Variants in PPARGC1A observed in about 807,000 individuals in gnomAD.
PPARGC1A encodes PPARG coactivator 1 alpha.
PPARGC1A carries 25 observed loss-of-function variants against 88.7 expected under a neutral mutation model. The observed-to-expected ratio is 0.28, with a 90% CI of 0.21 to 0.39. PPARGC1A has a LOEUF of 0.39. Among genes scored for constraint, PPARGC1A ranks in the 10% least tolerant of loss-of-function variants. The pLI is 1.00. For missense variants in PPARGC1A, 880 were observed against 968.7 expected (o/e 0.91, Z 1.22); for synonymous variants, 363 against 355.6 (o/e 1.02, Z -0.24).
At chr4:24,086,985 C>G in the PPARGC1A span, among the ~76,000 whole-genome samples, 6 of 152,140 alleles carry the variant, frequency 3.9e-5, no homozygotes, top group Non-Finnish European at 7.4e-5. Context: ...AGAAGTCTGT[C>G]TCAAGATCAA....
At chr4:24,237,215 C>T in the PPARGC1A span, among the ~76,000 whole-genome samples, 1 of 151,622 alleles carries the variant, frequency 6.6e-6, no homozygotes, top group South Asian at 2.1e-4. Flanking sequence ...TTCATTGTTT[C>T]CCCATCAATA....
At chr4:24,338,521 C>T in the PPARGC1A span, among the ~76,000 whole-genome samples, 1 of 152,156 alleles carries the variant, frequency 6.6e-6, no homozygotes, top group African/African-American at 2.4e-5. Flanking sequence ...AGCCTCCGTG[C>T]TTCATCCAAC....
At chr4:24,444,260 T>C in the PPARGC1A span, among the ~76,000 whole-genome samples, 16 of 152,240 alleles carry the variant, frequency 1.1e-4, no homozygotes, top group African/African-American at 2.9e-4. Context: ...CTCAAACTCC[T>C]GACCTCAGGT....
chr4:23,986,003 T>C, the PPARGC1A span, among the ~76,000 whole-genome samples: 3 of 151,804 alleles, frequency 2.0e-5, no homozygotes, highest in Non-Finnish European at 2.9e-5. Context: ...AGACCTCAGT[T>C]TCTTATCTGT....
At chr4:23,918,131 A>C in the PPARGC1A span, among the ~76,000 whole-genome samples, 1 of 152,218 alleles carries the variant, frequency 6.6e-6, no homozygotes, top group Non-Finnish European at 1.5e-5. Context: ...TCACTTAAAA[A>C]ATATTTACTG....
At chr4:24,382,797 GT>G in the PPARGC1A span, among the ~76,000 whole-genome samples, 1 of 152,182 alleles carries the variant, frequency 6.6e-6, no homozygotes, top group Non-Finnish European at 1.5e-5. Flanking sequence ...GGAAGGGGTG[GT>G]TGTGGACGCA....
At chr4:23,849,869 C>T (rs1728978244) in intron 2 of PPARGC1A, among the ~76,000 whole-genome samples, 1 of 150,346 alleles carries the variant, frequency 6.7e-6, no homozygotes. Flanking sequence ...GTGGCCCTAA[C>T]AGACACTGCT....
At chr4:24,246,815 G>A in the PPARGC1A span, among the ~76,000 whole-genome samples, 1 of 152,090 alleles carries the variant, frequency 6.6e-6, no homozygotes, top group Non-Finnish European at 1.5e-5. Flanking sequence ...TGGGGAACCT[G>A]CTCTAGAGCC....
the PPARGC1A span, among the ~76,000 whole-genome samples, chr4:24,257,414 G>A: frequency 1.3e-5 from 2 of 152,316 alleles, no homozygotes; most frequent in South Asian, 2.1e-4. Flanking sequence ...GTCAAACCAT[G>A]GGTTAAGCAC....
chr4:24,112,412 A>G, the PPARGC1A span, among the ~76,000 whole-genome samples: 19 of 152,194 alleles, frequency 1.2e-4, no homozygotes, highest in African/African-American at 4.3e-4. Context: ...AACACCATGT[A>G]CACCCTAAAA....
the PPARGC1A span, among the ~76,000 whole-genome samples, chr4:24,041,656 T>C: frequency 1.3e-5 from 2 of 151,994 alleles, no homozygotes; most frequent in Non-Finnish European, 2.9e-5. Context: ...ATGAAAAGAG[T>C]ATATAGAGAT....
chr4:23,962,976 G>A, the PPARGC1A span, among the ~76,000 whole-genome samples: 8 of 152,140 alleles, frequency 5.3e-5, no homozygotes, highest in Non-Finnish European at 8.8e-5. Flanking sequence ...TCATGAGCGG[G>A]GGAAAGTGTT....
the PPARGC1A span, among the ~76,000 whole-genome samples, chr4:24,281,552 A>C: frequency 8.5e-5 from 13 of 152,316 alleles, no homozygotes; most frequent in South Asian, 2.7e-3. Flanking sequence ...CATGACCACA[A>C]CACCTCCCAT....
the PPARGC1A span, among the ~76,000 whole-genome samples, chr4:24,376,445 A>G: frequency 9.9e-5 from 15 of 152,236 alleles, no homozygotes; most frequent in Non-Finnish European, 1.8e-4. Context: ...TCAAAAGAAT[A>G]TGCCCAACTG....
chr4:23,925,180 C>T, the PPARGC1A span, among the ~76,000 whole-genome samples: 3 of 152,066 alleles, frequency 2.0e-5, no homozygotes, highest in East Asian at 3.9e-4. Flanking sequence ...GACCCATTGT[C>T]GACTGGAGGA....
the PPARGC1A span, among the ~76,000 whole-genome samples, chr4:24,340,560 C>T: frequency 2.0e-5 from 3 of 151,934 alleles, no homozygotes; most frequent in African/African-American, 7.3e-5. Flanking sequence ...ATTATGGCTA[C>T]AAAACTTTTT....
the PPARGC1A span, among the ~76,000 whole-genome samples, chr4:24,379,202 G>C: frequency 6.6e-6 from 1 of 152,066 alleles, no homozygotes; most frequent in African/African-American, 2.4e-5. Flanking sequence ...ATATAATACA[G>C]CCATTAATAA....
the PPARGC1A span, among the ~76,000 whole-genome samples, chr4:24,217,192 C>T: frequency 2.0e-5 from 3 of 152,222 alleles, no homozygotes; most frequent in Non-Finnish European, 4.4e-5. Context: ...CTTCAGCTAG[C>T]TTGTACCACA....
the PPARGC1A span, among the ~76,000 whole-genome samples, chr4:24,088,513 C>T: frequency 6.6e-6 from 1 of 152,134 alleles, no homozygotes; most frequent in Non-Finnish European, 1.5e-5. Context: ...GGGTCCATAT[C>T]CCCATTGTGA....
Sources: gnomAD v4.1 joint callset for allele counts (sites outside exome capture counted in the v4.1 genomes callset) on GRCh38, gnomAD v4.1.1 for gene constraint, MANE v1.5 for transcripts, NCBI Gene and HGNC (gene_info 2026-07-23, HGNC 2026-07-21) for gene names.